Variants in AAGAB observed in about 807,000 individuals in gnomAD.
AAGAB encodes alpha- and gamma-adaptin-binding protein p34.
Under a neutral mutation model 44.1 loss-of-function variants are expected in AAGAB, and 38 were observed. That is an observed-to-expected ratio of 0.86 (90% confidence interval 0.67 to 1.13). AAGAB has a LOEUF of 1.13. Ranked by LOEUF, AAGAB falls within the 50% of genes most tolerant of loss-of-function variation. AAGAB has a pLI of 0.00. For synonymous variants in AAGAB, 131 were observed against 131.8 expected (o/e 0.99, Z 0.04); for missense variants, 450 against 373.8 (o/e 1.20, Z -1.68).
At chr15:67,209,384 G>T in intron 6 of AAGAB, 78 bp downstream of exon 6, 3 of 1,173,174 alleles carry the variant, frequency 2.6e-6, no homozygotes, top group South Asian at 1.3e-5. Flanking sequence ...GGAAAACAAT[G>T]GTGAATGTGT....
At chr15:67,237,561 G>A (rs944718318) in intron 1 of AAGAB, among the ~76,000 whole-genome samples, 16 of 152,162 alleles carry the variant, frequency 1.1e-4, no homozygotes, top group Non-Finnish European at 1.5e-4. Context: ...ACAAGTCAAT[G>A]GTGAACAAAT....
chr15:67,253,260 C>CGGG (rs35166457), intron 1 of AAGAB, among the ~76,000 whole-genome samples: 4 of 81,918 alleles, frequency 4.9e-5, no homozygotes, highest in African/African-American at 1.8e-4. Flanking sequence ...CCCCGTATGA[C>CGGG]GGGGGGGGGG....
chr15:67,236,908 T>TATCTG, intron 1 of AAGAB, 88 bp from the exon 2 acceptor site: 12 of 1,071,328 alleles, frequency 1.1e-5, no homozygotes, highest in African/African-American at 1.6e-5. Context: ...ATAAAGCTGG[T>TATCTG]ACTTTTGCTG....
chr15:67,204,500 C>G (rs1008646600), intron 7 of AAGAB, among the ~76,000 whole-genome samples: 21 of 152,168 alleles, frequency 1.4e-4, no homozygotes, highest in African/African-American at 4.6e-4. Flanking sequence ...CTAAGGTACA[C>G]TGATTCACCA....
chr15:67,223,168 T>C (rs1336270378), intron 5 of AAGAB, among the ~76,000 whole-genome samples: 1 of 152,172 alleles, frequency 6.6e-6, no homozygotes, highest in African/African-American at 2.4e-5. Context: ...GCTGAGTCCT[T>C]GGTCTTCTTT....
chr15:67,229,119 G>C (rs1205883356), intron 5 of AAGAB, among the ~76,000 whole-genome samples: 2 of 152,068 alleles, frequency 1.3e-5, no homozygotes, highest in East Asian at 3.9e-4. Flanking sequence ...AAACCTGCAC[G>C]TGTGCTCCTT....
At chr15:67,211,011 C>T (rs1323375128) in intron 5 of AAGAB, among the ~76,000 whole-genome samples, 1 of 152,194 alleles carries the variant, frequency 6.6e-6, no homozygotes, top group Non-Finnish European at 1.5e-5. Flanking sequence ...TACCCTTTCC[C>T]CTGCCAGATA....
At chr15:67,245,291 T>C (rs1258951837) in intron 1 of AAGAB, among the ~76,000 whole-genome samples, 1 of 152,150 alleles carries the variant, frequency 6.6e-6, no homozygotes, top group East Asian at 1.9e-4. Context: ...ATAAACAAAA[T>C]GTGGTATATC....
At chr15:67,203,456 C>T (rs903254618) in intron 9 of AAGAB, 92 bp downstream of exon 9, 1 of 1,073,340 alleles carries the variant, frequency 9.3e-7, no homozygotes. Flanking sequence ...CACACTAAGA[C>T]CCTTCAGAAA....
upstream of AAGAB, chr15:67,255,130 G>T (rs1001190468): frequency 6.2e-6 from 4 of 640,812 alleles, no homozygotes; most frequent in South Asian, 1.8e-5. Context: ...CACTCCCGGT[G>T]ACTTACCCTG....
At chr15:67,249,127 C>T (rs533651983) in intron 1 of AAGAB, among the ~76,000 whole-genome samples, 74 of 152,028 alleles carry the variant, frequency 4.9e-4, no homozygotes, top group Non-Finnish European at 8.5e-4. Context: ...CTCCACCTCC[C>T]GGGTTCAAGG....
At chr15:67,238,823 G>A (rs1475632978) in intron 1 of AAGAB, among the ~76,000 whole-genome samples, 7 of 151,920 alleles carry the variant, frequency 4.6e-5, no homozygotes, top group Non-Finnish European at 1.0e-4. Flanking sequence ...AGCCTCCCCA[G>A]TAGCTGGGAC....
At chr15:67,229,008 T>A (rs780930002) in intron 5 of AAGAB, among the ~76,000 whole-genome samples, 1 of 151,822 alleles carries the variant, frequency 6.6e-6, no homozygotes, top group Non-Finnish European at 1.5e-5. Flanking sequence ...AGGGTGAGGG[T>A]TGAAAAACTA....
At position 67,202,687 on chromosome 15, in the gene AAGAB, ATTAAGGGGACC is replaced by A. The variant is rs1963594258; in HGVS notation, c.*123_*133del. On this transcript the variant is annotated 3_prime_UTR_variant, in exon 10 of 10. Transcript: ENST00000261880. The stretch of plus-strand genomic sequence containing the variant: ...CCTTAACCTCCTACTAAAAACTAAA[ATTAAGGGGACC>A]CTATAAACAAGTCAGGCAGCCAACA... 16 of 730,600 alleles carry A rather than the reference ATTAAGGGGACC, an allele frequency of 2.2e-5. No homozygotes were observed. In the South Asian group the frequency reaches 2.9e-4, roughly 13 times the overall value. 45.3% of individuals were successfully genotyped at this position (730,600 alleles called of 1,614,324 possible).
In AAGAB at chr15:67,208,639, G is replaced by A. The variant is rs544916355; in HGVS notation, c.638C>T (p.Ala213Val). 4.2e-4 allele frequency: 677 copies of A among 1,614,042 alleles called. No homozygotes were observed. The highest frequency in any genetic ancestry group is 5.4e-4 in the Non-Finnish European group (643 of 1,179,968). ...ATCAGAGAGGGATTCAGTACTATCT[G>A]CTGCTGGCAAATGGGGTTGCTGTTG... is the stretch of plus-strand genomic sequence containing the variant. ...CHPEQPHLPAADSTESLSDHR... is the reference protein window; with the variant it reads ...CHPEQPHLPAVDSTESLSDHR... Residue 213 changes from alanine (A) to valine (V), a missense_variant, in exon 7 of 10, where the codon GCA becomes GTA. By Grantham distance (64) the Ala-to-Val change is moderately conservative. Coordinates refer to ENST00000261880, the MANE Select transcript of AAGAB (RefSeq NM_024666.5).
intron 5 of AAGAB, among the ~76,000 whole-genome samples, chr15:67,218,037 ATCC>A (rs1003881010): frequency 7.2e-5 from 11 of 152,344 alleles, no homozygotes; most frequent in South Asian, 6.2e-4. Context: ...GATTCCACTA[ATCC>A]TCCTCCATCT....
rs917290860 is a variant in AAGAB, at chr15:67,246,781, A to T, written c.73+7778T>A. On this transcript the variant is annotated intron_variant, in intron 1 of 9. Coordinates refer to ENST00000261880, the MANE Select transcript of AAGAB (RefSeq NM_024666.5). ...AATGCACCAATCAGCACTCTGCAAA[A>T]ACGCACCAATCAGCACTCTGTGTCT... 4.6e-5 allele frequency among the ~76,000 whole-genome samples: 7 copies of T among 152,098 alleles called. No individual in the cohort carries two copies. In the East Asian group the frequency reaches 1.4e-3, roughly 30 times the overall value.
At chr15:67,231,767 T>A in intron 5 of AAGAB, 47 bp downstream of exon 5, 1 of 1,435,150 alleles carries the variant, frequency 7.0e-7, no homozygotes, top group Non-Finnish European at 9.8e-7. Flanking sequence ...ATTTAAAACT[T>A]ACAAGGAACA....
intron 5 of AAGAB, among the ~76,000 whole-genome samples, chr15:67,213,316 T>C (rs1300543066): frequency 6.6e-6 from 1 of 152,180 alleles, no homozygotes; most frequent in Non-Finnish European, 1.5e-5. Flanking sequence ...AGAATAAAGA[T>C]TTTAAATTGG....
Sources: allele counts gnomAD v4.1 joint callset (sites outside exome capture counted in the v4.1 genomes callset), GRCh38; gene constraint gnomAD v4.1.1; transcripts MANE v1.5; gene names NCBI Gene and HGNC (gene_info 2026-07-23, HGNC 2026-07-21).